Variants in COL15A1 observed in about 807,000 individuals in gnomAD.
COL15A1 encodes collagen alpha-1(XV) chain.
Under a neutral mutation model 165.9 loss-of-function variants are expected in COL15A1, and 111 were observed. The observed-to-expected ratio is 0.67, with a 90% CI of 0.57 to 0.78. The LOEUF is 0.78. Among genes scored for constraint, COL15A1 ranks in the 30% least tolerant of loss-of-function variants. The probability of loss-of-function intolerance (pLI) is 0.00; values close to 1 mark genes in which losing one functional copy is unlikely to be tolerated. For missense variants in COL15A1, 1,745 were observed against 1,789.7 expected (o/e 0.98, Z 0.45); for synonymous variants, 659 against 674.8 (o/e 0.98, Z 0.36).
chr9:99,042,216 C>A, intron 24 of COL15A1, 109 bp downstream of exon 24: 1 of 776,814 alleles, frequency 1.3e-6, no homozygotes, highest in Non-Finnish European at 2.1e-6. Context: ...ATACAATTCA[C>A]ATGCCATAAA....
At chr9:99,034,501 A>G in intron 16 of COL15A1, 48 bp from the exon 17 acceptor site, 11 of 1,563,494 alleles carry the variant, frequency 7.0e-6, no homozygotes, top group Non-Finnish European at 8.6e-6. Context: ...AACACACCTC[A>G]TGACATATGC....
At chr9:99,026,383 C>G (rs926714476) in intron 16 of COL15A1, among the ~76,000 whole-genome samples, 10 of 152,200 alleles carry the variant, frequency 6.6e-5, no homozygotes, top group African/African-American at 2.4e-4. Flanking sequence ...CTCCCAGTTG[C>G]TGTCCCATTC....
In COL15A1 at chr9:99,047,859, G is replaced by C. The variant is rs1357693174; in HGVS notation, c.2733+20G>C. On this transcript the variant is annotated intron_variant, in intron 27 of 41. Coordinates refer to ENST00000375001, the MANE Select transcript of COL15A1 (RefSeq NM_001855.5). The stretch of plus-strand genomic sequence containing the variant: ...CGACCTGTAGGTATCAGTGTTCATT[G>C]GACAGGCTGGAGGGGGAGGACACGT... 6.2e-7 allele frequency: 1 copy of C among 1,613,892 alleles called. No homozygotes were observed. The highest frequency in any genetic ancestry group is 1.3e-5 in the African/African-American group (1 of 74,992).
At chr9:98,965,094 G>A (rs1202936562) in intron 2 of COL15A1, among the ~76,000 whole-genome samples, 2 of 152,038 alleles carry the variant, frequency 1.3e-5, no homozygotes, top group Admixed American at 1.3e-4. Context: ...TATCGCCTTC[G>A]CACCACATTC....
At position 99,070,205 on chromosome 9, in the gene COL15A1, AG is replaced by A; in HGVS notation, c.*320del. 3.6e-6 allele frequency: 1 copy of A among 279,960 alleles called. No individual in the cohort carries two copies. The highest frequency in any genetic ancestry group is 6.8e-6 in the Non-Finnish European group (1 of 146,940). The allele number at this position is 279,960 out of a possible 1,614,324, so 17.3% of individuals were successfully genotyped here. A position where few individuals can be genotyped will look rare whatever the true frequency, so the allele number is the denominator to read the frequency against. ...CATTCTGCCACTGCATCCTTCAGACAGTTATATCCTCCTTTTAAACCATTGT... is the reference window on the plus strand; with the variant it reads ...CATTCTGCCACTGCATCCTTCAGACATTATATCCTCCTTTTAAACCATTGT... On this transcript the variant is annotated 3_prime_UTR_variant, in exon 42 of 42. Transcript: ENST00000375001.
intron 35 of COL15A1, among the ~76,000 whole-genome samples, chr9:99,059,520 C>T (rs1825776656): frequency 1.3e-5 from 2 of 152,244 alleles, no homozygotes; most frequent in African/African-American, 4.8e-5. Flanking sequence ...TTCAGTGTCA[C>T]ATGCTTGTCT....
chr9:99,062,126 C>G lies in COL15A1; in HGVS notation c.3531+27C>G, dbSNP rs528462099. On this transcript the variant is annotated intron_variant, in intron 37 of 41. Coordinates refer to ENST00000375001, the MANE Select transcript of COL15A1 (RefSeq NM_001855.5). ...TAATTTCTAAACTTCCTTTAACACACTGCCTTCAAATACCCTCTAAAAATA... is the reference window on the plus strand; with the variant it reads ...TAATTTCTAAACTTCCTTTAACACAGTGCCTTCAAATACCCTCTAAAAATA... 12 of 1,613,014 alleles carry G rather than the reference C, an allele frequency of 7.4e-6. No homozygotes were observed. The African/African-American group carries it at 1.5e-4, about 20-fold the overall frequency.
intron 39 of COL15A1, among the ~76,000 whole-genome samples, chr9:99,066,599 G>GT (rs67961829): frequency 0.2 from 13,995 of 70,912 alleles, 2,236 homozygotes; most frequent in Non-Finnish European, 0.28. Flanking sequence ...ATTTTGTTCT[G>GT]TTTTTTTTTT....
At chr9:98,953,457 A>G (rs1016947059) in intron 2 of COL15A1, among the ~76,000 whole-genome samples, 1 of 151,976 alleles carries the variant, frequency 6.6e-6, no homozygotes, top group Admixed American at 6.6e-5. Context: ...ACCCAACTCA[A>G]CCTAATCCAA....
intron 16 of COL15A1, 38 bp downstream of exon 16, chr9:99,026,004 C>T (rs1445080131): frequency 6.4e-7 from 1 of 1,572,542 alleles, no homozygotes; most frequent in South Asian, 1.2e-5. Flanking sequence ...ACATGGGAGC[C>T]ACCAGGCCCA....
intron 11 of COL15A1, 81 bp from the exon 12 acceptor site, chr9:99,020,307 AC>A: frequency 1.0e-6 from 1 of 998,972 alleles, no homozygotes; most frequent in African/African-American, 1.6e-5. Context: ...ACTGACCAGG[AC>A]CAGGGAATGT....
At chr9:99,001,596 C>A (rs1430568042) in intron 7 of COL15A1, among the ~76,000 whole-genome samples, 2 of 152,120 alleles carry the variant, frequency 1.3e-5, no homozygotes, top group African/African-American at 4.8e-5. Context: ...ACACAGTTTC[C>A]CCCCTTCTAT....
At chr9:99,050,712 C>T (rs776618509) in intron 30 of COL15A1, among the ~76,000 whole-genome samples, 12 of 152,224 alleles carry the variant, frequency 7.9e-5, no homozygotes, top group Non-Finnish European at 1.3e-4. Flanking sequence ...GGGGACACAA[C>T]GGTGAACTAG....
chr9:99,004,817 C>T, intron 8 of COL15A1, 81 bp from the exon 9 acceptor site: 2 of 1,547,754 alleles, frequency 1.3e-6, no homozygotes, highest in South Asian at 2.3e-5. Context: ...TTTGAGGGGC[C>T]CTGGCCTTCT....
chr9:99,006,176 A>T (rs1838759335), intron 9 of COL15A1, among the ~76,000 whole-genome samples: 1 of 152,216 alleles, frequency 6.6e-6, no homozygotes, highest in Non-Finnish European at 1.5e-5. Flanking sequence ...AGAAGATGTC[A>T]TTCCAGACTG....
chr9:99,062,196 G>A (rs1225787629), intron 37 of COL15A1, 49 bp from the exon 38 acceptor site: 21 of 1,599,634 alleles, frequency 1.3e-5, no homozygotes, highest in Non-Finnish European at 1.8e-5. Flanking sequence ...TTTGAAATGG[G>A]AGAAGTTTGT....
At chr9:99,010,418 G>C (rs143714384) in intron 9 of COL15A1, among the ~76,000 whole-genome samples, 167 of 152,356 alleles carry the variant, frequency 1.1e-3, no homozygotes, top group African/African-American at 3.8e-3. Context: ...CTTGCCTCTT[G>C]TGGACAAGGG....
At chr9:99,016,418 C>T (rs757759618) in intron 11 of COL15A1, among the ~76,000 whole-genome samples, 3 of 152,188 alleles carry the variant, frequency 2.0e-5, no homozygotes, top group South Asian at 2.1e-4. Flanking sequence ...GACAGTAAGA[C>T]GTGGCGGGTC....
At chr9:98,992,146 G>T (rs769887005) in intron 5 of COL15A1, among the ~76,000 whole-genome samples, 1 of 152,268 alleles carries the variant, frequency 6.6e-6, no homozygotes, top group East Asian at 1.9e-4. Flanking sequence ...GGGAACAGCC[G>T]CCGCAGAGCA....
Sources: gnomAD v4.1 joint callset for allele counts (sites outside exome capture counted in the v4.1 genomes callset) on GRCh38, gnomAD v4.1.1 for gene constraint, MANE v1.5 for transcripts, NCBI Gene and HGNC (gene_info 2026-07-23, HGNC 2026-07-21) for gene names.